KRT75: variants seen among roughly 807,000 people sequenced by gnomAD.
KRT75 encodes the protein keratin, type II cytoskeletal 75.
In KRT75, 35 loss-of-function variants were observed where a neutral mutation model predicts 48.8. The ratio of observed to expected loss-of-function variants is 0.72; its 90% CI spans 0.55 to 0.95. The LOEUF (loss-of-function observed/expected upper bound fraction) is 0.95. Ranked by LOEUF, KRT75 falls within the 40% of genes least tolerant of loss-of-function variation. The probability of loss-of-function intolerance (pLI) is 0.00; values close to 1 mark genes in which losing one functional copy is unlikely to be tolerated. For synonymous variants in KRT75, 301 were observed against 282.3 expected (o/e 1.07, Z -0.66); for missense variants, 776 against 709.9 (o/e 1.09, Z -1.06).
chr12:52,432,640 C>G (rs2121513116), intron 2 of KRT75, among the ~76,000 whole-genome samples: 1 of 152,336 alleles, frequency 6.6e-6, no homozygotes, highest in East Asian at 1.9e-4. Context: ...GATTGCCCTC[C>G]TTTAAACTCT....
rs781249370 is a variant in KRT75, at chr12:52,428,728, C to G, written c.1051G>C (p.Val351Leu). The G allele has an allele frequency of 6.2e-7, 1 of 1,614,114 alleles. No homozygotes were observed. Among genetic ancestry groups the G allele is most frequent in the East Asian group, 2.2e-5 (1 of 44,868 alleles). The change falls in exon 6 of 9, where the codon GTC (valine) becomes CTC (leucine). Residue 351 changes from valine (V) to leucine (L), a missense_variant. By Grantham distance (32) the Val-to-Leu change is conservative. Transcript: ENST00000252245. ...TCATCCCCATGTCTGCCTGCGGTGACCTGCAGCTCCTCGTACTGAGAGAAC... is the reference window on the plus strand; with the variant it reads ...TCATCCCCATGTCTGCCTGCGGTGAGCTGCAGCTCCTCGTACTGAGAGAAC... The part of the protein sequence containing the change: ...WYQTKYEELQ[V>L]TAGRHGDDLR...
intron 8 of KRT75, among the ~76,000 whole-genome samples, chr12:52,426,443 G>A (rs576043766): frequency 6.6e-6 from 1 of 152,326 alleles, no homozygotes; most frequent in Non-Finnish European, 1.5e-5. Context: ...GCCAGACCAG[G>A]AATTTTCATA....
intron 5 of KRT75, among the ~76,000 whole-genome samples, 172 bp from the exon 6 acceptor site, chr12:52,428,915 C>T (rs1940109338): frequency 6.6e-6 from 1 of 152,186 alleles, no homozygotes; most frequent in Non-Finnish European, 1.5e-5. Context: ...ACTGAATTAG[C>T]ATATTATCAA....
intron 8 of KRT75, among the ~76,000 whole-genome samples, chr12:52,426,208 G>A (rs1940074323): frequency 6.6e-6 from 1 of 152,316 alleles, no homozygotes; most frequent in Non-Finnish European, 1.5e-5. Flanking sequence ...CACCAGCACA[G>A]GGCCATGCCA....
chr12:52,433,042 C>T lies in KRT75; in HGVS notation c.709G>A (p.Val237Ile). 6.2e-7 allele frequency: 1 copy of T among 1,614,028 alleles called. No individual in the cohort carries two copies. The highest frequency in any genetic ancestry group is 8.5e-7 in the Non-Finnish European group (1 of 1,180,040). Residue 237 changes from valine (V) to isoleucine (I), a missense_variant, in exon 2 of 9, where the codon GTC becomes ATC. Physicochemically the swap from Val to Ile is conservative, Grantham distance 29. Coordinates refer to ENST00000252245, the MANE Select transcript of KRT75 (RefSeq NM_004693.3). ...NMQDVVEDFK[V>I]RYEDEINKRT... is the part of the protein sequence containing the mutation. ...AGAAGCCAGTCTCCCACTTACCTGA[C>T]TTTGAAATCTTCCACAACATCCTGC...
At chr12:52,432,217 C>G in intron 2 of KRT75, 151 bp from the exon 3 acceptor site, 3 of 696,250 alleles carry the variant, frequency 4.3e-6, no homozygotes, top group Non-Finnish European at 7.5e-6. Flanking sequence ...ACCTCTATTT[C>G]TCCCTCCATA....
chr12:52,434,016 C>T lies in KRT75; in HGVS notation c.289G>A (p.Gly97Arg), dbSNP rs753185953. Reference sequence around the variant, plus strand: ...CCAACTCCACCCCCATAGCCAAATCCACTGTTGACTCCAAACCTGTTGCTG... The same window carrying T: ...CCAACTCCACCCCCATAGCCAAATCTACTGTTGACTCCAAACCTGTTGCTG... ...RASNRFGVNS[G>R]FGYGGGVGGG... Residue 97 changes from glycine to arginine, a missense_variant, in exon 1 of 9, where the codon GGA (glycine) becomes AGA (arginine). By Grantham distance (125) the Gly-to-Arg change is moderately radical. Transcript: ENST00000252245. 1 of 1,614,082 alleles carries T rather than the reference C, an allele frequency of 6.2e-7. No homozygotes were observed. The highest frequency in any genetic ancestry group is 1.1e-5 in the South Asian group (1 of 91,066).
intron 5 of KRT75, among the ~76,000 whole-genome samples, chr12:52,429,383 C>T (rs192445693): frequency 1.3e-5 from 2 of 152,214 alleles, no homozygotes; most frequent in East Asian, 3.9e-4. Flanking sequence ...AAAGTATTCC[C>T]AATCTCAGGT....
intron 5 of KRT75, among the ~76,000 whole-genome samples, chr12:52,429,205 C>T (rs1195980914): frequency 6.6e-6 from 1 of 152,146 alleles, no homozygotes; most frequent in Non-Finnish European, 1.5e-5. Flanking sequence ...GTGATTTGAT[C>T]AAGGTCCCTG....
At chr12:52,432,522 C>T (rs1940158008) in intron 2 of KRT75, among the ~76,000 whole-genome samples, 1 of 152,164 alleles carries the variant, frequency 6.6e-6, no homozygotes. Context: ...GAAATAAGGG[C>T]AAGCTGGCTA....
chr12:52,430,728 T>A, intron 4 of KRT75, 23 bp from the exon 5 acceptor site: 1 of 1,614,020 alleles, frequency 6.2e-7, no homozygotes. Context: ...AAACTCAGCA[T>A]CACCAAGGCA....
Position 52,433,037 on chromosome 12 carries a change from C to T in KRT75, c.713+1G>A, listed in dbSNP as rs764997706. The T allele has an allele frequency of 5.0e-6, 8 of 1,613,840 alleles. No homozygotes were observed. Among genetic ancestry groups the T allele is most frequent in the Admixed American group, 1.7e-5 (1 of 59,978 alleles). ...TGGCCAGAAGCCAGTCTCCCACTTA[C>T]CTGACTTTGAAATCTTCCACAACAT... On this transcript the variant is annotated splice_donor_variant, in intron 2 of 8. Coordinates refer to ENST00000252245, the MANE Select transcript of KRT75 (RefSeq NM_004693.3). LOFTEE classifies it high-confidence loss of function.
rs1471174760 is a variant in KRT75, at chr12:52,424,545, G to A, written c.1628C>T (p.Ser543Phe). The A allele has an allele frequency of 6.2e-7, 1 of 1,614,078 alleles. No individual in the cohort carries two copies. Among genetic ancestry groups the A allele is most frequent in the Non-Finnish European group, 8.5e-7 (1 of 1,180,042 alleles). Residue 543 changes from serine to phenylalanine, a missense_variant, in exon 9 of 9, where the codon TCC (serine) becomes TTC (phenylalanine). By Grantham distance (155) the Ser-to-Phe change is radical (BLOSUM62 -2). Coordinates refer to ENST00000252245, the MANE Select transcript of KRT75 (RefSeq NM_004693.3). ...GTGCGTGTAGCTCTTCTGGCTGGAG[G>A]ATGTGGTGGAGACAAACTTGACGCT... is the stretch of plus-strand genomic sequence containing the variant. ...GSSVKFVSTT[S>F]SSQKSYTH
intron 8 of KRT75, 51 bp downstream of exon 8, chr12:52,426,766 T>A (rs754913195): frequency 8.9e-6 from 14 of 1,579,186 alleles, no homozygotes; most frequent in Admixed American, 6.7e-5. Flanking sequence ...CACATCCCCA[T>A]CCCCTCTACC....
At chr12:52,427,008 T>C (rs1592162307) in intron 7 of KRT75, among the ~76,000 whole-genome samples, 157 bp from the exon 8 acceptor site, 1 of 152,380 alleles carries the variant, frequency 6.6e-6, no homozygotes, top group East Asian at 1.9e-4. Flanking sequence ...TGAGAACTAG[T>C]AGTATTAAAG....
chr12:52,430,935 G>A (rs546796079), intron 4 of KRT75, among the ~76,000 whole-genome samples: 40 of 152,298 alleles, frequency 2.6e-4, no homozygotes, highest in African/African-American at 8.4e-4. Flanking sequence ...ATGAGGGTGG[G>A]TAAGCATCCT....
At position 52,434,066 on chromosome 12, in the gene KRT75, C is replaced by A. The variant is rs1940185357; in HGVS notation, c.239G>T (p.Cys80Phe). 6.2e-7 allele frequency: 1 copy of A among 1,614,064 alleles called. No individual in the cohort carries two copies. Among genetic ancestry groups the A allele is most frequent in the South Asian group, 1.1e-5 (1 of 91,078 alleles). The change falls in exon 1 of 9, where the codon TGC becomes TTC. Residue 80 changes from cysteine to phenylalanine, a missense_variant. Cys to Phe is a radical substitution (Grantham distance 205, BLOSUM62 -2). Coordinates refer to ENST00000252245, the MANE Select transcript of KRT75 (RefSeq NM_004693.3). ...RVSINGCGSS[C>F]RSGFGGRASN... ...GGCCCTGCCACCAAAGCCACTTCGG[C>A]AGCTGCTGCCACACCCATTGATGGA...
chr12:52,434,197 A>G lies in KRT75; in HGVS notation c.108T>C (p.Ser36=). 6.2e-7 allele frequency: 1 copy of G among 1,608,100 alleles called. No individual in the cohort carries two copies. The highest frequency in any genetic ancestry group is 2.2e-5 in the East Asian group (1 of 44,796). The change falls in exon 1 of 9, where the codon TCT becomes TCC. Residue 36 remains serine (S), a synonymous_variant. Transcript: ENST00000252245. ...AAGRSRFSSV[S]VARSAAGSGG... ...CACTCCCTGCTGCAGAGCGGGCCACAGAGACAGAGCTGAAGCGGGAGCGGC... is the reference window on the plus strand; with the variant it reads ...CACTCCCTGCTGCAGAGCGGGCCACGGAGACAGAGCTGAAGCGGGAGCGGC...
At chr12:52,431,186 C>T (rs576823656) in intron 4 of KRT75, among the ~76,000 whole-genome samples, 1 of 122,940 alleles carries the variant, frequency 8.1e-6, no homozygotes, top group African/African-American at 3.1e-5. Flanking sequence ...AGCTGAGGGA[C>T]AGCTTGCCTT....
Sources: allele counts gnomAD v4.1 joint callset (sites outside exome capture counted in the v4.1 genomes callset), GRCh38; gene constraint gnomAD v4.1.1; transcripts MANE v1.5; gene names NCBI Gene and HGNC (gene_info 2026-07-23, HGNC 2026-07-21).